USP6: variants seen among roughly 807,000 people sequenced by gnomAD.
USP6 encodes the protein ubiquitin specific peptidase 6, also known as ubiquitin carboxyl-terminal hydrolase 6.
Under a neutral mutation model 175.7 loss-of-function variants are expected in USP6, and 128 were observed. That is an observed-to-expected ratio of 0.73 (90% confidence interval 0.63 to 0.84). The LOEUF (loss-of-function observed/expected upper bound fraction) is 0.84, where lower values mean the gene tolerates loss of function less well. USP6 is among the 40% of genes least tolerant of loss of function. USP6 has a pLI of 0.00. For missense variants in USP6, 1,498 were observed against 1,760.3 expected, an observed-to-expected ratio of 0.85 and a Z score of 2.67; for synonymous variants, 562 against 630.6, an observed-to-expected ratio of 0.89 and a Z score of 1.63.
At chr17:5,122,141 TCGG>T (rs2072691735) in intron 4 of USP6, among the ~76,000 whole-genome samples, 1 of 147,014 alleles carries the variant, frequency 6.8e-6, no homozygotes, top group Admixed American at 6.8e-5. Flanking sequence ...GGAGGGTGGG[TCGG>T]TGGGGTGGCA....
chr17:5,134,912 G>A (rs528302200), intron 15 of USP6: 76 of 363,210 alleles, frequency 2.1e-4, no homozygotes, highest in Non-Finnish European at 3.6e-4. Context: ...AGGGGCTGGA[G>A]CGGTGGCCGG....
At position 5,133,984 on chromosome 17, in the gene USP6, G is replaced by T. The variant is rs749836474; in HGVS notation, c.482G>T (p.Arg161Leu). The T allele has an allele frequency of 3.7e-6, 6 of 1,614,050 alleles. No individual in the cohort carries two copies. Among genetic ancestry groups the T allele is most frequent in the Non-Finnish European group, 5.1e-6 (6 of 1,179,972 alleles). The part of the protein sequence containing the change: ...TLRNHVFFRD[R>L]YGAKQRELFY... ...CGGAACCATGTCTTCTTTAGGGATC[G>T]ATATGGAGCCAAGTAAGCCTACGGG... Residue 161 changes from arginine to leucine, a missense_variant, in exon 15 of 38, where the codon CGA (arginine) becomes CTA (leucine). Around this residue, in one of 2 missense-constraint regions of USP6, gnomAD observed 281 missense variants for 259.6 expected, o/e 1.08. Transcript: ENST00000574788.
intron 11 of USP6, among the ~76,000 whole-genome samples, chr17:5,131,588 A>G (rs749817490): frequency 6.7e-6 from 1 of 148,250 alleles, no homozygotes; most frequent in East Asian, 2.1e-4. Context: ...GGGGAAAGGC[A>G]TGGGGACAGT....
chr17:5,124,664 G>A lies in USP6; in HGVS notation c.-1200G>A, dbSNP rs1466806134. On this transcript the variant is annotated 5_prime_UTR_variant, in exon 5 of 38. An upstream open reading frame in the 5' UTR loses its in-frame stop. Transcript: ENST00000574788. ...AAGGGACCCACCCTGGTGACACCTT[G>A]ATCTTGGACTGACACTCATGACCTC... 4.6e-5 allele frequency: 7 copies of A among 152,334 alleles called. No individual in the cohort carries two copies. Among genetic ancestry groups the A allele is most frequent in the Admixed American group, 4.6e-4 (7 of 15,286 alleles). The allele number at this position is 152,334 out of a possible 1,614,324, so 9.4% of individuals were successfully genotyped here.
intron 22 of USP6, 65 bp downstream of exon 22, chr17:5,139,739 C>G (rs1014912490): frequency 7.5e-6 from 12 of 1,597,340 alleles, no homozygotes; most frequent in Admixed American, 6.7e-5. Flanking sequence ...CTGCAGTGCA[C>G]CCAGCACTGA....
At position 5,168,819 on chromosome 17, in the gene USP6, A is replaced by G; in HGVS notation, c.3281A>G (p.Gln1094Arg). Residue 1094 changes from glutamine (Q) to arginine (R), a missense_variant, in exon 35 of 38, where the codon CAG (glutamine) becomes CGG (arginine). By Grantham distance (43) the Gln-to-Arg change is conservative. Transcript: ENST00000574788. ...GTAAATGATCAGTGGATAAAATCACAGAAAATTGTCAGATTTCTTCGGGAA... is the reference window on the plus strand; with the variant it reads ...GTAAATGATCAGTGGATAAAATCACGGAAAATTGTCAGATTTCTTCGGGAA... Reference protein sequence around the residue: ...QFVNDQWIKSQKIVRFLRESF... With the variant: ...QFVNDQWIKSRKIVRFLRESF... 1 of 1,610,566 alleles carries G rather than the reference A, an allele frequency of 6.2e-7. No individual in the cohort carries two copies. Among genetic ancestry groups the G allele is most frequent in the Non-Finnish European group, 8.5e-7 (1 of 1,178,674 alleles).
chr17:5,122,255 G>C (rs1327893338), intron 4 of USP6, among the ~76,000 whole-genome samples: 1 of 152,122 alleles, frequency 6.6e-6, no homozygotes, highest in Non-Finnish European at 1.5e-5. Flanking sequence ...TCAGGACTCA[G>C]TAAGTGTGGG....
intron 19 of USP6, 152 bp downstream of exon 19, chr17:5,137,338 G>A: frequency 9.3e-7 from 1 of 1,074,326 alleles, no homozygotes; most frequent in Non-Finnish European, 1.4e-6. Flanking sequence ...GCCCAAGAGG[G>A]GTCATCCCAG....
Position 5,173,406 on chromosome 17 carries a change from G to C in USP6, c.*428G>C. ...CATGATACGCTACCTCCTTTTTCCT[G>C]AAGTTTTATTCCATTATATTGACAA... On this transcript the variant is annotated 3_prime_UTR_variant, in exon 38 of 38. Transcript: ENST00000574788. The C allele has an allele frequency of 4.4e-6, 1 of 227,024 alleles. No individual in the cohort carries two copies. Among genetic ancestry groups the C allele is most frequent in the Non-Finnish European group, 8.8e-6 (1 of 114,186 alleles). The allele number at this position is 227,024 out of a possible 1,614,324, so 14.1% of individuals were successfully genotyped here.
intron 30 of USP6, among the ~76,000 whole-genome samples, chr17:5,150,315 T>A (rs1598057944): frequency 6.7e-6 from 1 of 148,204 alleles, no homozygotes; most frequent in African/African-American, 2.5e-5. Context: ...AATAAATAAA[T>A]AAATAAATAA....
intron 4 of USP6, among the ~76,000 whole-genome samples, chr17:5,123,945 A>G (rs541237143): frequency 4.4e-4 from 67 of 151,832 alleles, no homozygotes; most frequent in Non-Finnish European, 1.0e-4. Context: ...ACACGTGATC[A>G]AGGGCACCCA....
chr17:5,146,472 A>G (rs965373933), intron 28 of USP6, among the ~76,000 whole-genome samples: 10 of 152,162 alleles, frequency 6.6e-5, no homozygotes, highest in African/African-American at 2.2e-4. Flanking sequence ...GACTGCTGCT[A>G]TTACCAAAGA....
intron 30 of USP6, among the ~76,000 whole-genome samples, chr17:5,149,872 G>A (rs541119955): frequency 3.0e-4 from 46 of 152,210 alleles, no homozygotes; most frequent in Non-Finnish European, 5.6e-4. Flanking sequence ...GGTAGTCTTC[G>A]GGTATAGTGG....
At chr17:5,155,218 C>A (rs577380845) in intron 30 of USP6, among the ~76,000 whole-genome samples, 1 of 152,334 alleles carries the variant, frequency 6.6e-6, no homozygotes, top group East Asian at 1.9e-4. Flanking sequence ...AACTCTAAAA[C>A]TGGCAATACC....
At chr17:5,143,465 G>C (rs1021223361) in intron 25 of USP6, among the ~76,000 whole-genome samples, 1 of 151,744 alleles carries the variant, frequency 6.6e-6, no homozygotes, top group African/African-American at 2.4e-5. Context: ...CCCCAACCCT[G>C]TGCTCTCTGA....
chr17:5,150,954 C>A (rs2073754532), intron 30 of USP6, among the ~76,000 whole-genome samples: 1 of 152,094 alleles, frequency 6.6e-6, no homozygotes, highest in South Asian at 2.1e-4. Context: ...TAACTGCAAT[C>A]CCTGCCTCTT....
chr17:5,127,145 CT>C (rs2072920365), intron 6 of USP6: 1 of 152,452 alleles, frequency 6.6e-6, no homozygotes, highest in Non-Finnish European at 1.5e-5. Context: ...ACCCCTGCCC[CT>C]CATCACCTCC....
At chr17:5,139,139 C>T in intron 21 of USP6, 116 bp from the exon 22 acceptor site, 1 of 1,597,804 alleles carries the variant, frequency 6.3e-7, no homozygotes, top group Non-Finnish European at 8.5e-7. Context: ...CAGTGTCAGA[C>T]CACAGGGGCC....
At chr17:5,131,990 A>G (rs1197347466) in intron 11 of USP6, among the ~76,000 whole-genome samples, 5 of 151,772 alleles carry the variant, frequency 3.3e-5, no homozygotes, top group Non-Finnish European at 7.4e-5. Flanking sequence ...GGCTTCCTTG[A>G]CCCTGGCGGG....
Sources: gnomAD v4.1 joint callset for allele counts (sites outside exome capture counted in the v4.1 genomes callset) on GRCh38, gnomAD v4.1.1 for gene constraint, gnomAD v4.1.1 regional missense constraint, MANE v1.5 for transcripts, NCBI Gene and HGNC (gene_info 2026-07-23, HGNC 2026-07-21) for gene names.